RBM6: variants seen among roughly 807,000 people sequenced by gnomAD.
The protein encoded by RBM6 is RNA-binding protein 6.
A neutral mutation model predicts 140.4 loss-of-function variants in RBM6; 23 were observed. The ratio of observed to expected loss-of-function variants is 0.16; its 90% CI spans 0.12 to 0.23. RBM6 has a LOEUF of 0.23. Ranked by LOEUF, RBM6 falls within the 10% of genes least tolerant of loss-of-function variation. The probability of loss-of-function intolerance (pLI) is 1.00; values close to 1 mark genes in which losing one functional copy is unlikely to be tolerated. For missense variants in RBM6, 1,139 were observed against 1,386.7 expected (o/e 0.82, Z 2.84); for synonymous variants, 439 against 475.6 (o/e 0.92, Z 1.00).
At chr3:50,060,564 G>T (rs529377051) in intron 11 of RBM6, among the ~76,000 whole-genome samples, 1 of 146,636 alleles carries the variant, frequency 6.8e-6, no homozygotes, top group Non-Finnish European at 1.5e-5. Flanking sequence ...TGGCTAACAC[G>T]GTAAAACCCC....
chr3:50,033,569 C>T (rs1372728240), intron 6 of RBM6, among the ~76,000 whole-genome samples: 1 of 152,114 alleles, frequency 6.6e-6, no homozygotes, highest in Non-Finnish European at 1.5e-5. Context: ...GTTTGAATGC[C>T]AGGTCAGTAG....
intron 6 of RBM6, among the ~76,000 whole-genome samples, chr3:50,010,673 C>T (rs1031718859): frequency 2.0e-5 from 3 of 151,680 alleles, no homozygotes; most frequent in African/African-American, 2.4e-5. Context: ...GAGGCTGAGG[C>T]GGGCAGATCA....
At position 50,061,351 on chromosome 3, in the gene RBM6, G is replaced by A. The variant is rs187514563; in HGVS notation, c.2354-111G>A. 167 of 1,582,614 alleles carry A rather than the reference G, an allele frequency of 1.1e-4. No homozygotes were observed. The African/African-American group carries it at 2.1e-3, about 20-fold the overall frequency. On this transcript the variant is annotated intron_variant, in intron 13 of 20. Coordinates refer to ENST00000266022, the MANE Select transcript of RBM6 (RefSeq NM_005777.3). ...GGTGCTCATCCAGAGAGAGGCATCT[G>A]TAGATGCACCTATTTGTGTTGGTCA... is the stretch of plus-strand genomic sequence containing the variant.
intron 6 of RBM6, among the ~76,000 whole-genome samples, chr3:50,001,910 T>C (rs193259096): frequency 6.6e-6 from 1 of 152,312 alleles, no homozygotes; most frequent in East Asian, 1.9e-4. Flanking sequence ...GGTGGCAATT[T>C]TAGAGGGGTG....
At chr3:50,057,130 T>G (rs1289208895) in intron 8 of RBM6, among the ~76,000 whole-genome samples, 1 of 152,240 alleles carries the variant, frequency 6.6e-6, no homozygotes, top group African/African-American at 2.4e-5. Context: ...TTTGTTATAT[T>G]TAAATGTTTA....
chr3:50,061,914 G>A, intron 14 of RBM6, 48 bp from the exon 15 acceptor site: 2 of 1,588,202 alleles, frequency 1.3e-6, no homozygotes, highest in African/African-American at 1.4e-5. Context: ...GGAATTGCTG[G>A]GAAACTGAAA....
rs1355027011 is a variant in RBM6 at position 49,968,110 on chromosome 3, G to C, written c.685G>C (p.Asp229His). The change falls in exon 3 of 21, where the codon GAC becomes CAC. Residue 229 changes from aspartate (D) to histidine (H), a missense_variant. Coordinates refer to ENST00000266022, the MANE Select transcript of RBM6 (RefSeq NM_005777.3). ...ATCTGATTTGGACTTTAGAGACAAAGACGGAACACAAGTAGACTTTAGAGG... is the reference window on the plus strand; with the variant it reads ...ATCTGATTTGGACTTTAGAGACAAACACGGAACACAAGTAGACTTTAGAGG... ...DVSDLDFRDK[D>H]GTQVDFRGRG... 1 of 1,614,052 alleles carries C rather than the reference G, an allele frequency of 6.2e-7. No homozygotes were observed. The highest frequency in any genetic ancestry group is 8.5e-7 in the Non-Finnish European group (1 of 1,180,044).
chr3:50,026,023 G>C (rs2087795550), intron 6 of RBM6, among the ~76,000 whole-genome samples: 1 of 152,066 alleles, frequency 6.6e-6, no homozygotes, highest in Admixed American at 6.6e-5. Flanking sequence ...GATGGAGGTT[G>C]CAGTGAACCA....
chr3:50,074,478 C>T (rs1468969504), intron 19 of RBM6, among the ~76,000 whole-genome samples: 1 of 152,042 alleles, frequency 6.6e-6, no homozygotes, highest in African/African-American at 2.4e-5. Context: ...TGCGCCACCA[C>T]ACCCGGCTAA....
chr3:49,952,844 A>G (rs2083799638), intron 1 of RBM6, among the ~76,000 whole-genome samples: 1 of 152,078 alleles, frequency 6.6e-6, no homozygotes, highest in Non-Finnish European at 1.5e-5. Context: ...TATATATTTT[A>G]GATACAAGTC....
At chr3:49,968,913 G>A (rs984949754) in intron 3 of RBM6, among the ~76,000 whole-genome samples, 165 bp downstream of exon 3, 2 of 150,910 alleles carry the variant, frequency 1.3e-5, no homozygotes, top group Non-Finnish European at 2.9e-5. Flanking sequence ...CTGAGTAGCT[G>A]GGACTGACTA....
At position 49,962,703 on chromosome 3, in the gene RBM6, A is replaced by T; in HGVS notation, c.44+18A>T. ...CCTTTTCGGTAAGTTCTCAAATTTG[A>T]ATATTGAAATTGCCAGTATTTTAAT... On this transcript the variant is annotated intron_variant, in intron 2 of 20. Transcript: ENST00000266022. 3 of 1,559,764 alleles carry T rather than the reference A, an allele frequency of 1.9e-6. No individual in the cohort carries two copies. In the South Asian group the frequency reaches 3.7e-5, roughly 19 times the overall value.
At chr3:50,027,814 T>C (rs2087925984) in intron 6 of RBM6, among the ~76,000 whole-genome samples, 1 of 152,254 alleles carries the variant, frequency 6.6e-6, no homozygotes, top group Non-Finnish European at 1.5e-5. Flanking sequence ...TACAAGGTTT[T>C]GTGTGGACAC....
intron 6 of RBM6, among the ~76,000 whole-genome samples, chr3:50,004,116 TTA>T (rs1276514267): frequency 5.9e-4 from 90 of 152,316 alleles, no homozygotes; most frequent in Middle Eastern, 3.4e-3. Flanking sequence ...TATGCAGGGA[TTA>T]GCATTTTATG....
At chr3:49,989,214 A>G (rs1415042540) in intron 5 of RBM6, among the ~76,000 whole-genome samples, 1 of 152,212 alleles carries the variant, frequency 6.6e-6, no homozygotes, top group Non-Finnish European at 1.5e-5. Context: ...TTATTCAGGT[A>G]TATTATATTG....
intron 5 of RBM6, among the ~76,000 whole-genome samples, chr3:49,979,077 A>T (rs1009700589): frequency 2.6e-5 from 4 of 152,236 alleles, no homozygotes; most frequent in Non-Finnish European, 4.4e-5. Flanking sequence ...AACTAGACTC[A>T]TAAGGATATA....
intron 6 of RBM6, among the ~76,000 whole-genome samples, chr3:50,032,873 T>A (rs1300553102): frequency 6.0e-5 from 9 of 150,838 alleles, no homozygotes; most frequent in Admixed American, 6.0e-4. Context: ...TAATTCCAGC[T>A]ATTCGGGAGG....
intron 6 of RBM6, among the ~76,000 whole-genome samples, chr3:50,002,913 A>C (rs1281125977): frequency 6.6e-6 from 1 of 151,932 alleles, no homozygotes; most frequent in Non-Finnish European, 1.5e-5. Flanking sequence ...TCAGGAGAGC[A>C]AGACCATCCT....
intron 1 of RBM6, among the ~76,000 whole-genome samples, chr3:49,946,550 T>C (rs573351271): frequency 1.3e-5 from 2 of 152,038 alleles, no homozygotes; most frequent in Non-Finnish European, 1.5e-5. Context: ...TTTTCTTTTT[T>C]TTTGAGACAG....
Sources: allele counts gnomAD v4.1 joint callset (sites outside exome capture counted in the v4.1 genomes callset), GRCh38; gene constraint gnomAD v4.1.1; transcripts MANE v1.5; gene names NCBI Gene and HGNC (gene_info 2026-07-23, HGNC 2026-07-21).